FAT3: variants seen among roughly 807,000 people sequenced by gnomAD.
FAT3 encodes protocadherin Fat 3.
In FAT3, 95 loss-of-function variants were observed where a neutral mutation model predicts 310.2. The ratio of observed to expected loss-of-function variants is 0.31; its 90% CI spans 0.26 to 0.36. The LOEUF (loss-of-function observed/expected upper bound fraction) is 0.36. FAT3 is among the 10% of genes least tolerant of loss of function. The probability of loss-of-function intolerance (pLI) is 1.00; values close to 1 mark genes in which losing one functional copy is unlikely to be tolerated. For missense variants in FAT3, 5,408 were observed against 5,715.6 expected, an observed-to-expected ratio of 0.95 and a Z score of 1.74; for synonymous variants, 2,314 against 2,192.9, an observed-to-expected ratio of 1.06 and a Z score of -1.54.
chr11:92,353,305 T>C lies in FAT3; in HGVS notation c.1193T>C (p.Val398Ala), dbSNP rs1461884040. The C allele has an allele frequency of 6.2e-7, 1 of 1,613,696 alleles. No homozygotes were observed. Among genetic ancestry groups the C allele is most frequent in the East Asian group, 2.2e-5 (1 of 44,860 alleles). The change falls in exon 2 of 28, where the codon GTA becomes GCA. Residue 398 changes from valine to alanine, a missense_variant. Transcript: ENST00000525166. ...FSPPGVVVAI[V>A]KLSPEPIDVE... ...CCTCCTGGTGTCGTGGTTGCTATAGTAAAATTAAGTCCTGAACCGATAGAT... is the reference window on the plus strand; with the variant it reads ...CCTCCTGGTGTCGTGGTTGCTATAGCAAAATTAAGTCCTGAACCGATAGAT...
intron 2 of FAT3, among the ~76,000 whole-genome samples, chr11:92,391,625 A>C (rs1360279373): frequency 6.6e-6 from 1 of 152,154 alleles, no homozygotes; most frequent in Non-Finnish European, 1.5e-5. Flanking sequence ...ATTTGTATGT[A>C]GTTTGCATCT....
intron 2 of FAT3, among the ~76,000 whole-genome samples, chr11:92,487,256 T>C (rs895417517): frequency 6.6e-6 from 1 of 152,148 alleles, no homozygotes; most frequent in Non-Finnish European, 1.5e-5. Context: ...GATGTTTTTC[T>C]ATCAAACCAA....
intron 13 of FAT3, among the ~76,000 whole-genome samples, chr11:92,815,298 G>A (rs562345247): frequency 7.9e-5 from 12 of 152,040 alleles, no homozygotes; most frequent in African/African-American, 2.9e-4. Context: ...TGGTGGGCTG[G>A]GCACGGTGGC....
chr11:92,760,641 A>G (rs760972509), intron 4 of FAT3, among the ~76,000 whole-genome samples: 4 of 152,190 alleles, frequency 2.6e-5, no homozygotes, highest in African/African-American at 7.2e-5. Context: ...TGTTTTCTCA[A>G]TTGTGAAATG....
At chr11:92,575,259 A>G (rs530308758) in intron 3 of FAT3, among the ~76,000 whole-genome samples, 2 of 152,250 alleles carry the variant, frequency 1.3e-5, no homozygotes, top group East Asian at 3.9e-4. Context: ...AAGATACACA[A>G]TCAATACGGT....
At chr11:92,717,616 A>G (rs995976735) in intron 4 of FAT3, among the ~76,000 whole-genome samples, 36 of 152,242 alleles carry the variant, frequency 2.4e-4, no homozygotes, top group African/African-American at 8.4e-4. Flanking sequence ...CATATATGGA[A>G]GATTTTTTTC....
chr11:92,869,113 C>T (rs932015228), intron 22 of FAT3, among the ~76,000 whole-genome samples: 1 of 152,186 alleles, frequency 6.6e-6, no homozygotes, highest in Non-Finnish European at 1.5e-5. Context: ...GGAGAAATAG[C>T]CTCTTATCAG....
chr11:92,582,273 G>C (rs1165286340), intron 3 of FAT3, among the ~76,000 whole-genome samples: 1 of 151,704 alleles, frequency 6.6e-6, no homozygotes, highest in Non-Finnish European at 1.5e-5. Context: ...CTCATCCTGG[G>C]ACTTAGAATG....
chr11:92,859,518 T>C (rs1949069376), intron 21 of FAT3, among the ~76,000 whole-genome samples, 196 bp downstream of exon 21: 2 of 152,120 alleles, frequency 1.3e-5, no homozygotes, highest in Admixed American at 1.3e-4. Context: ...AGCTTCAAAA[T>C]TGGCTCTTGG....
At chr11:92,785,035 G>A (rs577694257) in intron 7 of FAT3, among the ~76,000 whole-genome samples, 109 of 151,726 alleles carry the variant, frequency 7.2e-4, no homozygotes, top group African/African-American at 2.5e-3. Context: ...AACTTTACTG[G>A]CACACTTTTT....
At chr11:92,401,906 A>T (rs1237848546) in intron 2 of FAT3, among the ~76,000 whole-genome samples, 2 of 152,342 alleles carry the variant, frequency 1.3e-5, no homozygotes, top group African/African-American at 4.8e-5. Context: ...TTCAGTGCCT[A>T]TTATCCTATA....
intron 4 of FAT3, among the ~76,000 whole-genome samples, chr11:92,730,539 T>A (rs1945144203): frequency 6.6e-6 from 1 of 152,212 alleles, no homozygotes; most frequent in Non-Finnish European, 1.5e-5. Context: ...ATAGTCCTTT[T>A]TATCTTGACT....
In FAT3 at chr11:92,352,097, A is replaced by G; in HGVS notation, c.-16A>G. ...TCTCTCTCTCTTTCTTCCCTCCAGG[A>G]TGGAAGTATGATGTGATGGATATAA... On this transcript the variant is annotated splice_region_variant and 5_prime_UTR_variant, in exon 2 of 28. An upstream start codon of the reference 5' UTR is lost. Coordinates refer to ENST00000525166, the MANE Select transcript of FAT3 (RefSeq NM_001367949.2). The G allele has an allele frequency of 7.7e-7, 1 of 1,293,286 alleles. No homozygotes were observed. The highest frequency in any genetic ancestry group is 1.3e-5 in the South Asian group (1 of 75,570). The allele number at this position is 1,293,286 out of a possible 1,614,324, so 80.1% of individuals were successfully genotyped here.
In FAT3 at chr11:92,353,212, C is replaced by G. The variant is rs1948618901; in HGVS notation, c.1100C>G (p.Pro367Arg). 6.2e-7 allele frequency: 1 copy of G among 1,613,682 alleles called. No individual in the cohort carries two copies. Among genetic ancestry groups the G allele is most frequent in the Non-Finnish European group, 8.5e-7 (1 of 1,179,850 alleles). Residue 367 changes from proline (P) to arginine (R), a missense_variant, in exon 2 of 28, where the codon CCC (proline) becomes CGC (arginine). Transcript: ENST00000525166. ...TTAAAGGCAGTCTACATTGGCAACCCCACAAGAGACACTGTCCCCATTAGA... is the reference window on the plus strand; with the variant it reads ...TTAAAGGCAGTCTACATTGGCAACCGCACAAGAGACACTGTCCCCATTAGA... ...SALKAVYIGN[P>R]TRDTVPIRFE... is the part of the protein sequence containing the mutation.
chr11:92,233,141 G>A (rs1313316525), intron 1 of FAT3, among the ~76,000 whole-genome samples: 2 of 152,180 alleles, frequency 1.3e-5, no homozygotes, highest in African/African-American at 4.8e-5. Context: ...TGGGAATGTT[G>A]ACAAGTGAGG....
intron 2 of FAT3, among the ~76,000 whole-genome samples, chr11:92,475,246 A>T (rs1489130143): frequency 2.0e-5 from 3 of 152,098 alleles, no homozygotes; most frequent in Non-Finnish European, 4.4e-5. Flanking sequence ...TCTTTTTAAA[A>T]AATCCTTATG....
chr11:92,522,094 A>C (rs1393672947), intron 2 of FAT3, among the ~76,000 whole-genome samples: 2 of 152,240 alleles, frequency 1.3e-5, no homozygotes, highest in Admixed American at 1.3e-4. Context: ...GGCAGTGAAG[A>C]GGTGCCTTGC....
At chr11:92,775,544 C>A (rs1034622903) in intron 7 of FAT3, among the ~76,000 whole-genome samples, 1 of 152,108 alleles carries the variant, frequency 6.6e-6, no homozygotes, top group South Asian at 2.1e-4. Flanking sequence ...TGTGTCCTTT[C>A]CCAGTAACTA....
intron 3 of FAT3, among the ~76,000 whole-genome samples, chr11:92,657,422 G>T (rs549470008): frequency 6.6e-6 from 1 of 152,366 alleles, no homozygotes; most frequent in Non-Finnish European, 1.5e-5. Flanking sequence ...TTGTGGGCAT[G>T]TAGACAGGAA....
Sources: gnomAD v4.1 joint callset for allele counts (sites outside exome capture counted in the v4.1 genomes callset) on GRCh38, gnomAD v4.1.1 for gene constraint, MANE v1.5 for transcripts, NCBI Gene and HGNC (gene_info 2026-07-23, HGNC 2026-07-21) for gene names.